PTPRG: variants seen among roughly 807,000 people sequenced by gnomAD.
The protein encoded by PTPRG is protein tyrosine phosphatase receptor type G.
Under a neutral mutation model 165.3 loss-of-function variants are expected in PTPRG, and 102 were observed. The ratio of observed to expected loss-of-function variants is 0.62; its 90% CI spans 0.53 to 0.73. PTPRG has a LOEUF of 0.73. Ranked by LOEUF, PTPRG falls within the 30% of genes least tolerant of loss-of-function variation. The pLI, the probability that PTPRG is intolerant of heterozygous loss-of-function variation, is 0.00. For synonymous variants in PTPRG, 675 were observed against 669.5 expected, an observed-to-expected ratio of 1.01 and a Z score of -0.13; for missense variants, 1,866 against 1,861.4, an observed-to-expected ratio of 1.00 and a Z score of -0.05.
chr3:61,638,620 G>A (rs996679549), intron 1 of PTPRG, among the ~76,000 whole-genome samples: 3 of 49,038 alleles, frequency 6.1e-5, no homozygotes, highest in African/African-American at 1.7e-4. Flanking sequence ...TTTTTTTTTG[G>A]GGTAGAGGGA....
chr3:61,748,814 G>T, intron 1 of PTPRG, 64 bp from the exon 2 acceptor site: 1 of 1,335,952 alleles, frequency 7.5e-7, no homozygotes, highest in South Asian at 1.2e-5. Flanking sequence ...GTGTTCATTT[G>T]ACACCCTTCC....
At chr3:62,047,385 A>C (rs997588185) in intron 4 of PTPRG, among the ~76,000 whole-genome samples, 1 of 152,054 alleles carries the variant, frequency 6.6e-6, no homozygotes, top group South Asian at 2.1e-4. Context: ...TCAGCTTCCC[A>C]AGTAGCTGAG....
At chr3:61,727,332 T>A (rs192779790) in intron 1 of PTPRG, among the ~76,000 whole-genome samples, 115 of 152,158 alleles carry the variant, frequency 7.6e-4, no homozygotes, top group Admixed American at 2.2e-3. Context: ...TTTTTTGTAT[T>A]TTTGGTAGAA....
intron 7 of PTPRG, among the ~76,000 whole-genome samples, chr3:62,158,222 G>A (rs551604772): frequency 3.3e-5 from 5 of 152,312 alleles, no homozygotes; most frequent in African/African-American, 1.2e-4. Flanking sequence ...CATGAGGTTT[G>A]AATGCATGGT....
chr3:62,137,469 G>A lies in PTPRG; in HGVS notation c.682+4801G>A, dbSNP rs113998468. Among the ~76,000 whole-genome samples, 830 of 152,260 alleles carry A rather than the reference G, an allele frequency of 5.5e-3. 5 individuals are homozygous for A. Among genetic ancestry groups the A allele is most frequent in the African/African-American group, 0.019 (788 of 41,552 alleles). ...ATTTGTTCAACTTTTGAAGCCTTAG[G>A]TTGTGCAGCATGTGGTCAGGCGTGG... On this transcript the variant is annotated intron_variant, in intron 6 of 29. Coordinates refer to ENST00000474889, the MANE Select transcript of PTPRG (RefSeq NM_002841.4).
intron 12 of PTPRG, among the ~76,000 whole-genome samples, chr3:62,204,849 T>C (rs1700188248): frequency 6.6e-6 from 1 of 152,180 alleles, no homozygotes; most frequent in African/African-American, 2.4e-5. Context: ...CAAATCTTAA[T>C]GAACCATCCT....
intron 3 of PTPRG, among the ~76,000 whole-genome samples, chr3:62,000,355 A>G (rs947744167): frequency 1.3e-5 from 2 of 151,860 alleles, no homozygotes; most frequent in African/African-American, 2.4e-5. Context: ...TTCTGCCTGT[A>G]TATTCTTACC....
Position 61,561,956 on chromosome 3 carries a change from C to T in PTPRG, c.-332C>T, listed in dbSNP as rs1559503601. On this transcript the variant is annotated 5_prime_UTR_variant, in exon 1 of 30. Transcript: ENST00000474889. ...CTGCTCGCCGCCGCCGCCCGCGGTC[C>T]CTGCCTGCCCCAGGCCCGGGGCATC... 5.3e-6 allele frequency: 1 copy of T among 187,868 alleles called. No individual in the cohort carries two copies. The highest frequency in any genetic ancestry group is 1.1e-5 in the Non-Finnish European group (1 of 92,190). The allele number at this position is 187,868 out of a possible 1,614,324, so 11.6% of individuals were successfully genotyped here. A position where few individuals can be genotyped will look rare whatever the true frequency, so the allele number is the denominator to read the frequency against.
intron 6 of PTPRG, among the ~76,000 whole-genome samples, chr3:62,144,142 C>T (rs941722992): frequency 6.6e-6 from 1 of 152,186 alleles, no homozygotes; most frequent in South Asian, 2.1e-4. Flanking sequence ...CCGTGACAGA[C>T]GCACTGGCCT....
chr3:62,132,642 A>G lies in PTPRG; in HGVS notation c.656A>G (p.His219Arg), dbSNP rs768326759. Residue 219 changes from histidine to arginine, a missense_variant, in exon 6 of 30, where the codon CAC becomes CGC. His to Arg is a conservative substitution (Grantham distance 29). Coordinates refer to ENST00000474889, the MANE Select transcript of PTPRG (RefSeq NM_002841.4). ...RDNSALDPII[H>R]GLKGVVHHEK... ...AATTCTGCACTGGATCCTATTATCC[A>G]CGGGTTGAAGGGTGTCGTACATCAT... 2.5e-6 allele frequency: 4 copies of G among 1,612,426 alleles called. No homozygotes were observed. Among genetic ancestry groups the G allele is most frequent in the Non-Finnish European group, 3.4e-6 (4 of 1,178,426 alleles).
chr3:62,075,790 G>A (rs1001316392), intron 4 of PTPRG, among the ~76,000 whole-genome samples: 2 of 152,094 alleles, frequency 1.3e-5, no homozygotes, highest in Middle Eastern at 3.2e-3. Context: ...TCTGGGGTGT[G>A]GTTGTTCAGT....
chr3:61,928,973 T>C (rs529617835), intron 2 of PTPRG, among the ~76,000 whole-genome samples: 8 of 152,318 alleles, frequency 5.3e-5, no homozygotes, highest in Admixed American at 2.6e-4. Context: ...GATGTTGCTA[T>C]TGGCAGTCTA....
intron 2 of PTPRG, among the ~76,000 whole-genome samples, chr3:61,899,448 G>A (rs1278404037): frequency 6.6e-6 from 1 of 152,192 alleles, no homozygotes; most frequent in African/African-American, 2.4e-5. Flanking sequence ...GAGTGAACAT[G>A]GTGAAAACTT....
intron 2 of PTPRG, among the ~76,000 whole-genome samples, chr3:61,885,420 C>A (rs1209905449): frequency 6.6e-6 from 1 of 150,714 alleles, no homozygotes; most frequent in Non-Finnish European, 1.5e-5. Context: ...TTTTTAATTT[C>A]TTTTCCTATT....
At chr3:62,118,163 A>G (rs1343425393) in intron 5 of PTPRG, 1 of 152,220 alleles carries the variant, frequency 6.6e-6, no homozygotes, top group Non-Finnish European at 1.5e-5. Context: ...TAAAACTGGA[A>G]TTGGCAAACT....
intron 2 of PTPRG, among the ~76,000 whole-genome samples, chr3:61,798,174 A>G (rs974622124): frequency 2.6e-5 from 4 of 152,224 alleles, no homozygotes; most frequent in African/African-American, 9.6e-5. Flanking sequence ...CCTGCCCAGT[A>G]TCATGGGGAG....
rs147126182 is a variant in PTPRG at position 61,913,597 on chromosome 3, G to A, written c.191-76028G>A. 4.2e-3 allele frequency among the ~76,000 whole-genome samples: 633 copies of A among 152,276 alleles called. 4 individuals are homozygous for A. Among genetic ancestry groups the A allele is most frequent in the African/African-American group, 0.013 (524 of 41,554 alleles). ...GTGTATGCACTCATATGGATGTGTG[G>A]CTTCAGTGGTTGCTCAGAGTTTTCT... On this transcript the variant is annotated intron_variant, in intron 2 of 29. Transcript: ENST00000474889.
intron 2 of PTPRG, among the ~76,000 whole-genome samples, chr3:61,816,985 T>TTA (rs914398844): frequency 3.0e-5 from 4 of 132,246 alleles, no homozygotes; most frequent in East Asian, 2.1e-4. Context: ...TATATATATA[T>TTA]TATATATATA....
At position 61,926,416 on chromosome 3, in the gene PTPRG, C is replaced by T. The variant is rs906416710; in HGVS notation, c.191-63209C>T. On this transcript the variant is annotated intron_variant, in intron 2 of 29. Coordinates refer to ENST00000474889, the MANE Select transcript of PTPRG (RefSeq NM_002841.4). ...TTGCTCCTACTCCAGCCATGTGATA[C>T]GTGTGCCTCTCCTTCACCTTCCTCC... Among the ~76,000 whole-genome samples the T allele has an allele frequency of 4.6e-5, 7 of 152,034 alleles. No individual in the cohort carries two copies. In the East Asian group the frequency reaches 5.8e-4, roughly 13 times the overall value.
Sources: gnomAD v4.1 joint callset for allele counts (sites outside exome capture counted in the v4.1 genomes callset) on GRCh38, gnomAD v4.1.1 for gene constraint, MANE v1.5 for transcripts, NCBI Gene and HGNC (gene_info 2026-07-23, HGNC 2026-07-21) for gene names.